The following MARK1 variants were observed in gnomAD, a reference collection of about 807,000 sequenced individuals.
MARK1 encodes serine/threonine-protein kinase MARK1.
Under a neutral mutation model 96.3 loss-of-function variants are expected in MARK1, and 40 were observed. The observed-to-expected ratio is 0.42, with a 90% CI of 0.32 to 0.54. The LOEUF is 0.54. Among genes scored for constraint, MARK1 ranks in the 20% least tolerant of loss-of-function variants. The pLI is 0.16. For missense variants in MARK1, 719 were observed against 984.6 expected, an observed-to-expected ratio of 0.73 and a Z score of 3.61; for synonymous variants, 317 against 341.2, an observed-to-expected ratio of 0.93 and a Z score of 0.78.
intron 9 of MARK1, among the ~76,000 whole-genome samples, chr1:220,621,417 A>T (rs1468085306): frequency 6.6e-6 from 1 of 152,142 alleles, no homozygotes; most frequent in African/African-American, 2.4e-5. Context: ...GATATGTGTG[A>T]CCCAAGGCTT....
At chr1:220,547,219 A>G (rs1330017215) in intron 1 of MARK1, among the ~76,000 whole-genome samples, 1 of 152,206 alleles carries the variant, frequency 6.6e-6, no homozygotes, top group East Asian at 1.9e-4. Flanking sequence ...TGGCCACTCT[A>G]GATTCTTTCT....
chr1:220,567,333 G>A (rs1663127570), intron 1 of MARK1, among the ~76,000 whole-genome samples: 1 of 152,130 alleles, frequency 6.6e-6, no homozygotes, highest in Non-Finnish European at 1.5e-5. Context: ...ATATGTGTGG[G>A]AATTTATTTG....
At chr1:220,619,445 G>T (rs1339850113) in intron 9 of MARK1, among the ~76,000 whole-genome samples, 3 of 152,164 alleles carry the variant, frequency 2.0e-5, no homozygotes, top group Non-Finnish European at 4.4e-5. Context: ...CTGCACTCCA[G>T]CCTGGGCGAC....
Position 220,576,544 on chromosome 1 carries a change from A to C in MARK1, c.52-2810A>C, listed in dbSNP as rs547122732. On this transcript the variant is annotated intron_variant, in intron 1 of 17. Transcript: ENST00000366917. ...TGTGAAAATTTGGGATTAATAATAC[A>C]GTCCATCAAAATGTGGTATAGTATT... 5 of 152,316 alleles carry C rather than the reference A, an allele frequency of 3.3e-5. No homozygotes were observed. The East Asian group carries it at 9.6e-4, about 29-fold the overall frequency. 9.4% of individuals were successfully genotyped at this position (152,316 alleles called of 1,614,324 possible). A position where few individuals can be genotyped will look rare whatever the true frequency, so the allele number is the denominator to read the frequency against.
intron 1 of MARK1, among the ~76,000 whole-genome samples, chr1:220,557,689 G>A (rs1397048434): frequency 6.6e-6 from 1 of 152,144 alleles, no homozygotes; most frequent in African/African-American, 2.4e-5. Flanking sequence ...GAGGAAAGAA[G>A]TTGGATACAA....
At chr1:220,604,411 C>T (rs1665943602) in intron 6 of MARK1, among the ~76,000 whole-genome samples, 1 of 151,940 alleles carries the variant, frequency 6.6e-6, no homozygotes, top group South Asian at 2.1e-4. Flanking sequence ...GAAACGTAGA[C>T]TAGACTGAGA....
chr1:220,582,882 A>AAG (rs1284016775), intron 3 of MARK1, among the ~76,000 whole-genome samples: 1 of 152,226 alleles, frequency 6.6e-6, no homozygotes, highest in Non-Finnish European at 1.5e-5. Context: ...AATAAAGATG[A>AAG]AGACTCACTA....
intron 1 of MARK1, among the ~76,000 whole-genome samples, chr1:220,571,063 C>A (rs1421499034): frequency 6.6e-6 from 1 of 152,022 alleles, no homozygotes; most frequent in Non-Finnish European, 1.5e-5. Context: ...TCCGATATAT[C>A]AAATAAAATT....
intron 16 of MARK1, among the ~76,000 whole-genome samples, chr1:220,655,901 T>A (rs1669144878): frequency 6.6e-6 from 1 of 152,140 alleles, no homozygotes; most frequent in Admixed American, 6.5e-5. Context: ...CCTTGCTGCT[T>A]CCACACCAGC....
intron 9 of MARK1, among the ~76,000 whole-genome samples, chr1:220,620,730 A>T (rs1003406671): frequency 2.6e-5 from 4 of 152,142 alleles, no homozygotes; most frequent in Admixed American, 6.5e-5. Flanking sequence ...GCTCATTCTA[A>T]TATATTTCAG....
chr1:220,655,577 C>T (rs1669126010), intron 16 of MARK1, among the ~76,000 whole-genome samples: 1 of 152,166 alleles, frequency 6.6e-6, no homozygotes, highest in African/African-American at 2.4e-5. Flanking sequence ...ACCTCAGATC[C>T]ATTGGCAATT....
intron 9 of MARK1, among the ~76,000 whole-genome samples, chr1:220,620,582 A>G (rs547074310): frequency 6.6e-6 from 1 of 152,298 alleles, no homozygotes; most frequent in East Asian, 1.9e-4. Flanking sequence ...CTTATGTCTT[A>G]AAGATGATTA....
At chr1:220,657,885 G>A (rs748242341) in intron 17 of MARK1, 51 bp downstream of exon 17, 23 of 1,350,684 alleles carry the variant, frequency 1.7e-5, no homozygotes, top group Admixed American at 5.7e-5. Context: ...GTATGAAAAC[G>A]TACTTTTGAA....
At chr1:220,575,876 C>T (rs1211583733) in intron 1 of MARK1, among the ~76,000 whole-genome samples, 5 of 150,712 alleles carry the variant, frequency 3.3e-5, no homozygotes, top group African/African-American at 4.9e-5. Flanking sequence ...AATCGTTTGT[C>T]GATCTCTGTG....
intron 15 of MARK1, among the ~76,000 whole-genome samples, 156 bp downstream of exon 15, chr1:220,652,306 A>G (rs756411962): frequency 6.6e-6 from 1 of 152,186 alleles, no homozygotes. Context: ...TAAACTTTCT[A>G]TGTACTTTGG....
At chr1:220,611,929 C>T (rs1558297495) in intron 6 of MARK1, among the ~76,000 whole-genome samples, 1 of 152,098 alleles carries the variant, frequency 6.6e-6, no homozygotes, top group East Asian at 1.9e-4. Flanking sequence ...GATGGGGTTT[C>T]AGCATGTTGG....
intron 3 of MARK1, among the ~76,000 whole-genome samples, chr1:220,589,906 T>C (rs80177994): frequency 0.015 from 2,354 of 152,296 alleles, 66 homozygotes; most frequent in African/African-American, 0.055. Flanking sequence ...ACACATGCAA[T>C]AATTAACTTT....
chr1:220,536,812 C>G (rs1338256624), intron 1 of MARK1, among the ~76,000 whole-genome samples: 1 of 152,158 alleles, frequency 6.6e-6, no homozygotes, highest in Non-Finnish European at 1.5e-5. Context: ...AGCTCCTGAC[C>G]TTGGGTGATC....
At chr1:220,578,497 G>A (rs986299851) in intron 1 of MARK1, among the ~76,000 whole-genome samples, 1 of 152,220 alleles carries the variant, frequency 6.6e-6, no homozygotes, top group African/African-American at 2.4e-5. Flanking sequence ...ACTATAGATA[G>A]CTTTCACTTG....
Sources: gnomAD v4.1 joint callset for allele counts (sites outside exome capture counted in the v4.1 genomes callset) on GRCh38, gnomAD v4.1.1 for gene constraint, MANE v1.5 for transcripts, NCBI Gene and HGNC (gene_info 2026-07-23, HGNC 2026-07-21) for gene names.